Variants in IQCM observed in about 807,000 individuals in gnomAD.
The protein encoded by IQCM is IQ motif containing M, also known as IQ domain-containing protein M.
Under a neutral mutation model 57.6 loss-of-function variants are expected in IQCM, and 45 were observed. The ratio of observed to expected loss-of-function variants is 0.78; its 90% CI spans 0.62 to 1.00. IQCM has a LOEUF of 1.00. IQCM is among the 50% of genes least tolerant of loss of function. The pLI is 0.00. For synonymous variants in IQCM, 148 were observed against 158.9 expected, an observed-to-expected ratio of 0.93 and a Z score of 0.51; for missense variants, 468 against 511.6, an observed-to-expected ratio of 0.91 and a Z score of 0.82.
intron 5 of IQCM, among the ~76,000 whole-genome samples, chr4:149,726,996 C>T (rs992900659): frequency 2.0e-5 from 3 of 151,820 alleles, no homozygotes; most frequent in African/African-American, 4.8e-5. Context: ...GTGATCTGTC[C>T]GCCTCGGCCT....
intron 7 of IQCM, among the ~76,000 whole-genome samples, chr4:149,632,350 CT>C (rs967040956): frequency 6.6e-6 from 1 of 152,150 alleles, no homozygotes. Flanking sequence ...GGTCATAAAT[CT>C]TTGGTATTTT....
chr4:149,577,971 T>G (rs1751823901), intron 9 of IQCM, among the ~76,000 whole-genome samples: 1 of 151,896 alleles, frequency 6.6e-6, no homozygotes. Context: ...AGGTATTTCA[T>G]TCCTTTGGTG....
At chr4:149,749,043 AG>A (rs1005928867) in intron 2 of IQCM, among the ~76,000 whole-genome samples, 2 of 152,224 alleles carry the variant, frequency 1.3e-5, no homozygotes, top group Non-Finnish European at 2.9e-5. Context: ...CACTCCCAAA[AG>A]AATGGCTTCT....
At chr4:149,462,275 T>A (rs1185393780) in intron 12 of IQCM, among the ~76,000 whole-genome samples, 2 of 152,118 alleles carry the variant, frequency 1.3e-5, no homozygotes, top group African/African-American at 4.8e-5. Flanking sequence ...CCAGGGCTGG[T>A]TTGCCAATGC....
chr4:149,562,766 C>T (rs1750250812), intron 10 of IQCM, among the ~76,000 whole-genome samples: 1 of 152,130 alleles, frequency 6.6e-6, no homozygotes, highest in Admixed American at 6.6e-5. Context: ...GATTCCCATA[C>T]ATATTAATTT....
At chr4:149,428,096 A>C (rs545419270) in intron 13 of IQCM, among the ~76,000 whole-genome samples, 3 of 151,984 alleles carry the variant, frequency 2.0e-5, no homozygotes, top group African/African-American at 4.8e-5. Flanking sequence ...TGATAATGTA[A>C]GTTTTTTACA....
intron 2 of IQCM, among the ~76,000 whole-genome samples, chr4:149,808,723 T>A (rs562033471): frequency 6.4e-4 from 98 of 152,266 alleles, no homozygotes; most frequent in Non-Finnish European, 1.1e-3. Flanking sequence ...GTGCTTCAAG[T>A]TTCTCAACTT....
At position 149,815,339 on chromosome 4, in the gene IQCM, GTTC is replaced by G. The variant is rs1423804395; in HGVS notation, c.-80_-78del. The G allele has an allele frequency of 2.0e-5, 3 of 151,882 alleles. No individual in the cohort carries two copies. Among genetic ancestry groups the G allele is most frequent in the Non-Finnish European group, 4.4e-5 (3 of 67,864 alleles). 9.4% of individuals were successfully genotyped at this position (151,882 alleles called of 1,614,324 possible). A position where few individuals can be genotyped will look rare whatever the true frequency, so the allele number is the denominator to read the frequency against. ...AAAGTTTTTCATTCCAAGGTCATTT[GTTC>G]TTCTTCCTAGAAGGCACAGGAGAGT... On this transcript the variant is annotated 5_prime_UTR_variant, in exon 2 of 14. Transcript: ENST00000636793.
chr4:149,371,202 A>G (rs1157801375), intron 13 of IQCM, among the ~76,000 whole-genome samples: 1 of 152,114 alleles, frequency 6.6e-6, no homozygotes, highest in Non-Finnish European at 1.5e-5. Flanking sequence ...TTACCACTAG[A>G]TGTCACCCTT....
rs569289523 is a variant in IQCM, at chr4:149,463,097, A to C, written c.1229-29540T>G. ...AGGGAACAGCCTCTGGTTAGGAAAAATTTTTTAAAAAGACATTCGCATTAT... is the reference window on the plus strand; with the variant it reads ...AGGGAACAGCCTCTGGTTAGGAAAACTTTTTTAAAAAGACATTCGCATTAT... On this transcript the variant is annotated intron_variant, in intron 12 of 13. Coordinates refer to ENST00000636793, the MANE Select transcript of IQCM (RefSeq NM_001363507.2). Among the ~76,000 whole-genome samples, 6 of 152,302 alleles carry C rather than the reference A, an allele frequency of 3.9e-5. No homozygotes were observed. In the East Asian group the frequency reaches 1.2e-3, roughly 29 times the overall value.
intron 9 of IQCM, among the ~76,000 whole-genome samples, chr4:149,575,505 A>C (rs1018881527): frequency 6.6e-6 from 1 of 151,794 alleles, no homozygotes; most frequent in African/African-American, 2.4e-5. Context: ...AATTCAGGCA[A>C]ATTTTTAAAA....
intron 5 of IQCM, among the ~76,000 whole-genome samples, chr4:149,730,168 A>G (rs970682024): frequency 3.9e-5 from 6 of 152,200 alleles, no homozygotes; most frequent in African/African-American, 1.2e-4. Flanking sequence ...AGTGTAAACC[A>G]CTAACCCACT....
At chr4:149,373,121 T>C (rs1468306232) in intron 13 of IQCM, among the ~76,000 whole-genome samples, 2 of 152,150 alleles carry the variant, frequency 1.3e-5, no homozygotes, top group African/African-American at 4.8e-5. Flanking sequence ...ATGTAGAAAG[T>C]TTTAAAAAAT....
intron 13 of IQCM, among the ~76,000 whole-genome samples, chr4:149,408,471 C>G (rs551222506): frequency 6.9e-4 from 105 of 152,212 alleles, no homozygotes; most frequent in African/African-American, 2.5e-3. Flanking sequence ...CCTCTGAATG[C>G]CTTTTGTTCC....
intron 8 of IQCM, among the ~76,000 whole-genome samples, chr4:149,603,471 C>T (rs375987803): frequency 6.6e-5 from 10 of 152,058 alleles, no homozygotes; most frequent in South Asian, 6.2e-4. Context: ...TTAATTACTA[C>T]CAACCAGGTC....
At chr4:149,786,928 C>A (rs1772128587) in intron 2 of IQCM, among the ~76,000 whole-genome samples, 1 of 152,142 alleles carries the variant, frequency 6.6e-6, no homozygotes, top group South Asian at 2.1e-4. Flanking sequence ...GGAACCAACC[C>A]AAATGCCCAT....
intron 7 of IQCM, among the ~76,000 whole-genome samples, chr4:149,655,137 G>A (rs1759526361): frequency 6.6e-6 from 1 of 151,970 alleles, no homozygotes. Flanking sequence ...TATATTTCAA[G>A]ATTATTTCAA....
chr4:149,687,819 CACCA>C (rs1762656978), intron 5 of IQCM, among the ~76,000 whole-genome samples: 2 of 151,852 alleles, frequency 1.3e-5, no homozygotes, highest in Admixed American at 6.6e-5. Flanking sequence ...AAATGTGATA[CACCA>C]CATACACAGA....
Position 149,547,720 on chromosome 4 carries a change from G to A in IQCM, c.1228+735C>T, listed in dbSNP as rs6830214. Among the ~76,000 whole-genome samples the A allele has an allele frequency of 7.9e-3, 1,199 of 152,154 alleles. 22 individuals are homozygous for A. The highest frequency in any genetic ancestry group is 0.028 in the African/African-American group (1,157 of 41,510). ...GATGGATATATTGATTAATTTGATTGTAGTAGTCATTACACAATGCATATG... is the reference window on the plus strand; with the variant it reads ...GATGGATATATTGATTAATTTGATTATAGTAGTCATTACACAATGCATATG... On this transcript the variant is annotated intron_variant, in intron 12 of 13. Coordinates refer to ENST00000636793, the MANE Select transcript of IQCM (RefSeq NM_001363507.2).
Sources: allele counts gnomAD v4.1 joint callset (sites outside exome capture counted in the v4.1 genomes callset), GRCh38; gene constraint gnomAD v4.1.1; transcripts MANE v1.5; gene names NCBI Gene and HGNC (gene_info 2026-07-23, HGNC 2026-07-21).